KIAA1549L: variants seen among roughly 807,000 people sequenced by gnomAD.
KIAA1549L encodes KIAA1549 like.
Under a neutral mutation model 160.7 loss-of-function variants are expected in KIAA1549L, and 88 were observed. The observed-to-expected ratio is 0.55, with a 90% CI of 0.46 to 0.65. The LOEUF (loss-of-function observed/expected upper bound fraction) is 0.65, where lower values mean the gene tolerates loss of function less well. KIAA1549L is among the 30% of genes least tolerant of loss of function. KIAA1549L has a pLI of 0.00. For synonymous variants in KIAA1549L, 950 were observed against 976.7 expected, an observed-to-expected ratio of 0.97 and a Z score of 0.51; for missense variants, 2,258 against 2,437.5, an observed-to-expected ratio of 0.93 and a Z score of 1.55.
At chr11:33,569,681 C>T (rs1855178836) in intron 9 of KIAA1549L, among the ~76,000 whole-genome samples, 1 of 152,134 alleles carries the variant, frequency 6.6e-6, no homozygotes, top group Admixed American at 6.5e-5. Flanking sequence ...GTGAATTTGG[C>T]CGTTTGTCCT....
Position 33,442,134 on chromosome 11 carries a change from C to A in KIAA1549L, c.238+65245C>A, listed in dbSNP as rs890780344. 5.9e-5 allele frequency among the ~76,000 whole-genome samples: 9 copies of A among 152,038 alleles called. 1 individual carries two copies. The highest frequency in any genetic ancestry group is 1.3e-4 in the Non-Finnish European group (9 of 67,920). On this transcript the variant is annotated intron_variant, in intron 1 of 20. Transcript: ENST00000658780. ...GAAGGGATCCAGTTTCAGCTTTCTA[C>A]ATATGGCTAGCCAGTTTTCCCAGCA...
At chr11:33,572,492 C>T (rs950665525) in intron 9 of KIAA1549L, among the ~76,000 whole-genome samples, 2 of 152,158 alleles carry the variant, frequency 1.3e-5, no homozygotes, top group African/African-American at 4.8e-5. Context: ...CATATATTTT[C>T]ATATACTTCT....
At chr11:33,455,088 C>CA (rs57150157) in intron 1 of KIAA1549L, among the ~76,000 whole-genome samples, 18,727 of 151,982 alleles carry the variant, frequency 0.12, 1,566 homozygotes, top group African/African-American at 0.24. Flanking sequence ...GACTCCATCT[C>CA]AAAAAACAAA....
chr11:33,571,585 T>A (rs1038130354), intron 9 of KIAA1549L, among the ~76,000 whole-genome samples: 7 of 152,096 alleles, frequency 4.6e-5, no homozygotes, highest in Admixed American at 1.3e-4. Context: ...AGGTCTCACA[T>A]GGCAGGAGTA....
chr11:33,587,262 A>G (rs1849911366), intron 11 of KIAA1549L, among the ~76,000 whole-genome samples: 2 of 152,202 alleles, frequency 1.3e-5, no homozygotes, highest in South Asian at 4.1e-4. Context: ...ATAATTTTAT[A>G]AAACGAATTG....
intron 11 of KIAA1549L, 39 bp from the exon 12 acceptor site, chr11:33,591,198 C>T (rs554194907): frequency 6.8e-5 from 103 of 1,507,574 alleles, no homozygotes; most frequent in South Asian, 2.8e-4. Context: ...AGTCACACTT[C>T]GCTAGAAATA....
chr11:33,446,325 C>T (rs1851610549), intron 1 of KIAA1549L, among the ~76,000 whole-genome samples: 1 of 152,142 alleles, frequency 6.6e-6, no homozygotes, highest in Admixed American at 6.5e-5. Context: ...GAACTCCTGA[C>T]CTCAAGTAAT....
At chr11:33,627,423 C>T (rs1851147953) in intron 16 of KIAA1549L, among the ~76,000 whole-genome samples, 1 of 151,998 alleles carries the variant, frequency 6.6e-6, no homozygotes, top group Admixed American at 6.5e-5. Flanking sequence ...TGATTATTGC[C>T]TCAATTCCAG....
rs200133228 is a variant in KIAA1549L, at chr11:33,432,952, T to TA, written c.238+56064dup. On this transcript the variant is annotated intron_variant, in intron 1 of 20. Transcript: ENST00000658780. ...ATTAACTCAAGATGGATTAAACACT[T>TA]ACATGTAAAACCTAAAACCATAAAA... is the stretch of plus-strand genomic sequence containing the variant. Among the ~76,000 whole-genome samples, 287 of 152,324 alleles carry TA rather than the reference T, an allele frequency of 1.9e-3. 11 individuals carry two copies. In the East Asian group the frequency reaches 0.051, roughly 27 times the overall value.
At chr11:33,521,299 G>A (rs1427084627) in intron 1 of KIAA1549L, among the ~76,000 whole-genome samples, 3 of 152,244 alleles carry the variant, frequency 2.0e-5, no homozygotes, top group Admixed American at 6.5e-5. Context: ...GGTTAAGAAT[G>A]TAGACTCTGG....
At chr11:33,460,712 T>G (rs1156543598) in intron 1 of KIAA1549L, among the ~76,000 whole-genome samples, 1 of 152,238 alleles carries the variant, frequency 6.6e-6, no homozygotes, top group Non-Finnish European at 1.5e-5. Context: ...TAATTAAAAA[T>G]AATTCCTTTA....
At chr11:33,486,877 A>T (rs1252186589) in intron 1 of KIAA1549L, among the ~76,000 whole-genome samples, 1 of 152,202 alleles carries the variant, frequency 6.6e-6, no homozygotes, top group Non-Finnish European at 1.5e-5. Flanking sequence ...TGTTCTACCC[A>T]AGACTTACTT....
intron 1 of KIAA1549L, among the ~76,000 whole-genome samples, chr11:33,452,344 A>T (rs1304179344): frequency 6.6e-6 from 1 of 152,228 alleles, no homozygotes; most frequent in Non-Finnish European, 1.5e-5. Flanking sequence ...ATGGTGGCTC[A>T]CACCTGTAAT....
chr11:33,406,982 C>T (rs1215230172), intron 1 of KIAA1549L, among the ~76,000 whole-genome samples: 6 of 152,046 alleles, frequency 3.9e-5, no homozygotes, highest in African/African-American at 1.4e-4. Flanking sequence ...TGTCTTTGAG[C>T]TCTTGCTTCA....
chr11:33,489,144 A>G (rs1852597111), intron 1 of KIAA1549L, among the ~76,000 whole-genome samples: 2 of 152,208 alleles, frequency 1.3e-5, no homozygotes, highest in African/African-American at 4.8e-5. Context: ...TCATAACAAA[A>G]TAGCAAAGAC....
In KIAA1549L at chr11:33,543,201, A is replaced by C. The variant is rs775562457; in HGVS notation, c.1638A>C (p.Lys546Asn). The change falls in exon 2 of 21, where the codon AAA becomes AAC. Residue 546 changes from lysine to asparagine, a missense_variant. Around this residue, in one of 6 missense-constraint regions of KIAA1549L, gnomAD observed 540 missense variants for 465.7 expected, o/e 1.16. Transcript: ENST00000658780. Reference protein sequence around the residue: ...PATRDLLLSSKVPNLLSTSWT... With the variant: ...PATRDLLLSSNVPNLLSTSWT... Reference sequence around the variant, plus strand: ...CTAGAGACTTGCTCCTCTCAAGCAAAGTTCCTAATCTTCTTTCCACATCTT... The same window carrying C: ...CTAGAGACTTGCTCCTCTCAAGCAACGTTCCTAATCTTCTTTCCACATCTT... The C allele has an allele frequency of 1.9e-6, 3 of 1,614,000 alleles. No homozygotes were observed. In the Admixed American group the frequency reaches 5.0e-5, roughly 27 times the overall value.
intron 1 of KIAA1549L, among the ~76,000 whole-genome samples, chr11:33,385,430 T>G (rs1319789952): frequency 6.6e-6 from 1 of 152,226 alleles, no homozygotes; most frequent in Non-Finnish European, 1.5e-5. Flanking sequence ...TATTTCTGAC[T>G]GCCTGGTAGA....
intron 11 of KIAA1549L, among the ~76,000 whole-genome samples, chr11:33,588,131 A>G (rs891380173): frequency 4.6e-5 from 7 of 152,194 alleles, no homozygotes; most frequent in Admixed American, 2.0e-4. Context: ...TTCTTGAACT[A>G]TAGTGAAGAT....
chr11:33,624,044 G>A (rs1437257445), intron 16 of KIAA1549L, among the ~76,000 whole-genome samples: 2 of 152,136 alleles, frequency 1.3e-5, no homozygotes, highest in South Asian at 2.1e-4. Flanking sequence ...GCATGCTGTA[G>A]GTATACTTTC....
Sources: gnomAD v4.1 joint callset for allele counts (sites outside exome capture counted in the v4.1 genomes callset) on GRCh38, gnomAD v4.1.1 for gene constraint, gnomAD v4.1.1 regional missense constraint, MANE v1.5 for transcripts, NCBI Gene and HGNC (gene_info 2026-07-23, HGNC 2026-07-21) for gene names.